SNX8: variants seen among roughly 807,000 people sequenced by gnomAD.
SNX8 encodes sorting nexin 8.
Under a neutral mutation model 51.6 loss-of-function variants are expected in SNX8, and 25 were observed. The ratio of observed to expected loss-of-function variants is 0.48; its 90% CI spans 0.35 to 0.68. The LOEUF (loss-of-function observed/expected upper bound fraction) is 0.68. Ranked by LOEUF, SNX8 falls within the 30% of genes least tolerant of loss-of-function variation. The pLI, the probability that SNX8 is intolerant of heterozygous loss-of-function variation, is 0.00. For missense variants in SNX8, 695 were observed against 624.0 expected (o/e 1.11, Z -1.21); for synonymous variants, 324 against 277.0 (o/e 1.17, Z -1.68).
At chr7:2,295,142 C>T (rs954786799) in intron 1 of SNX8, among the ~76,000 whole-genome samples, 1 of 152,162 alleles carries the variant, frequency 6.6e-6, no homozygotes, top group Non-Finnish European at 1.5e-5. Flanking sequence ...GTGGCTCACA[C>T]CTGTTATCCC....
chr7:2,296,419 T>A (rs533751185), intron 1 of SNX8, among the ~76,000 whole-genome samples: 2 of 152,102 alleles, frequency 1.3e-5, no homozygotes, highest in East Asian at 3.9e-4. Context: ...GATTTGTGTA[T>A]ACTGATTTTG....
chr7:2,342,995 G>A (rs527362846), intron 1 of SNX8, among the ~76,000 whole-genome samples: 12 of 151,770 alleles, frequency 7.9e-5, no homozygotes, highest in Admixed American at 6.6e-5. Context: ...GGGTTTTACC[G>A]TATTGGTCAG....
At chr7:2,257,181 A>G (rs939244893) in intron 9 of SNX8, among the ~76,000 whole-genome samples, 158 bp from the exon 10 acceptor site, 5 of 151,926 alleles carry the variant, frequency 3.3e-5, no homozygotes, top group African/African-American at 1.2e-4. Flanking sequence ...CCGGGGAGGG[A>G]GCACCGTGCA....
chr7:2,282,567 G>T (rs750354900), intron 1 of SNX8, among the ~76,000 whole-genome samples: 1 of 152,190 alleles, frequency 6.6e-6, no homozygotes, highest in Non-Finnish European at 1.5e-5. Context: ...CCCATCTCCC[G>T]CCCAGTGTCT....
At chr7:2,348,077 C>G (rs1779066589) in intron 1 of SNX8, among the ~76,000 whole-genome samples, 2 of 152,114 alleles carry the variant, frequency 1.3e-5, no homozygotes, top group Admixed American at 6.6e-5. Context: ...GAGAAAGCTG[C>G]TTTTTCGGCT....
intron 1 of SNX8, among the ~76,000 whole-genome samples, chr7:2,280,857 A>G (rs556670492): frequency 6.6e-6 from 1 of 151,558 alleles, no homozygotes; most frequent in African/African-American, 2.4e-5. Flanking sequence ...CAATGGCACA[A>G]TCTTGGCTCA....
At position 2,289,237 on chromosome 7, in the gene SNX8, T is replaced by C. The variant is rs141938278; in HGVS notation, c.95-10932A>G. 2.0e-3 allele frequency among the ~76,000 whole-genome samples: 306 copies of C among 152,222 alleles called. 2 individuals carry two copies. The highest frequency in any genetic ancestry group is 7.0e-3 in the African/African-American group (290 of 41,528). On this transcript the variant is annotated intron_variant, in intron 1 of 10. Transcript: ENST00000222990. Reference sequence around the variant, plus strand: ...GGGCATCTGGGAGGGTTCCAGCACCTCCCTGTTCCACACGGTGCTGTTACG... The same window carrying C: ...GGGCATCTGGGAGGGTTCCAGCACCCCCCTGTTCCACACGGTGCTGTTACG...
chr7:2,267,210 C>T (rs1795485461), intron 5 of SNX8, among the ~76,000 whole-genome samples: 1 of 152,230 alleles, frequency 6.6e-6, no homozygotes, highest in Admixed American at 6.5e-5. Flanking sequence ...ATCCCTGCCA[C>T]GCAGAGGAGG....
chr7:2,327,662 C>G (rs1191112412), intron 1 of SNX8, among the ~76,000 whole-genome samples: 1 of 151,268 alleles, frequency 6.6e-6, no homozygotes, highest in Non-Finnish European at 1.5e-5. Flanking sequence ...CCGCCTCGGC[C>G]TCCCAAAGTG....
chr7:2,275,389 T>C (rs1562432590), intron 2 of SNX8, among the ~76,000 whole-genome samples, 160 bp from the exon 3 acceptor site: 1 of 152,230 alleles, frequency 6.6e-6, no homozygotes, highest in Non-Finnish European at 1.5e-5. Flanking sequence ...TATATGGAAA[T>C]ACAACTTTTA....
At chr7:2,348,884 G>T (rs1268925208) in intron 1 of SNX8, among the ~76,000 whole-genome samples, 2 of 149,796 alleles carry the variant, frequency 1.3e-5, no homozygotes, top group East Asian at 2.0e-4. Context: ...CCCGGGAGGC[G>T]GAGTTACAGT....
Position 2,254,443 on chromosome 7 carries a change from ACATGGGGT to A in SNX8, c.*605_*612del, listed in dbSNP as rs1233391873. On this transcript the variant is annotated 3_prime_UTR_variant, in exon 11 of 11. Coordinates refer to ENST00000222990, the MANE Select transcript of SNX8 (RefSeq NM_013321.4). ...AGGGTCATGGTGTGGACACAGGCAC[ACATGGGGT>A]CATCATATGGGCACAGGGCATGAGG... The A allele has an allele frequency of 6.4e-6, 1 of 156,010 alleles. No individual in the cohort carries two copies. Among genetic ancestry groups the A allele is most frequent in the Non-Finnish European group, 1.4e-5 (1 of 70,252 alleles). 9.7% of individuals were successfully genotyped at this position (156,010 alleles called of 1,614,324 possible). A position where few individuals can be genotyped will look rare whatever the true frequency, so the allele number is the denominator to read the frequency against.
chr7:2,316,255 TCA>T (rs1796755003), upstream of SNX8, among the ~76,000 whole-genome samples: 1 of 143,854 alleles, frequency 7.0e-6, no homozygotes, highest in Non-Finnish European at 1.5e-5. Context: ...ACCCACTCAC[TCA>T]CTCTGCATCC....
intron 3 of SNX8, 99 bp from the exon 4 acceptor site, chr7:2,272,070 G>A (rs1795661840): frequency 6.6e-7 from 1 of 1,520,524 alleles, no homozygotes; most frequent in South Asian, 1.2e-5. Flanking sequence ...GGTGGCAGAG[G>A]GCCCAGCGGC....
upstream of SNX8, among the ~76,000 whole-genome samples, chr7:2,316,422 C>G (rs1384169251): frequency 6.6e-6 from 1 of 151,260 alleles, no homozygotes; most frequent in African/African-American, 2.4e-5. Flanking sequence ...CTCACTGCAT[C>G]CTGCATTCAT....
At position 2,282,649 on chromosome 7, in the gene SNX8, G is replaced by C. The variant is rs979541793; in HGVS notation, c.95-4344C>G. On this transcript the variant is annotated intron_variant, in intron 1 of 10. Transcript: ENST00000222990. The stretch of plus-strand genomic sequence containing the variant: ...ACATTCTTTTCACAGCTGACATCTC[G>C]GGCCTCCCACCCCAGAGACCGCAGC... Among the ~76,000 whole-genome samples the C allele has an allele frequency of 2.0e-5, 3 of 152,150 alleles. No homozygotes were observed. In the South Asian group the frequency reaches 6.2e-4, roughly 31 times the overall value.
chr7:2,275,313 G>A (rs554089847), intron 2 of SNX8, 84 bp from the exon 3 acceptor site: 33 of 895,672 alleles, frequency 3.7e-5, no homozygotes, highest in African/African-American at 1.3e-4. Context: ...CCGGGAAAAC[G>A]ACAGCACCAA....
chr7:2,274,101 G>T (rs564604655), intron 3 of SNX8, among the ~76,000 whole-genome samples: 2 of 152,206 alleles, frequency 1.3e-5, no homozygotes, highest in Admixed American at 1.3e-4. Context: ...GCCCAGGCCT[G>T]AGCCAGCATC....
At chr7:2,313,523 CAAAAAAAAAAA>C (rs371626274) in intron 1 of SNX8, among the ~76,000 whole-genome samples, 1 of 108,094 alleles carries the variant, frequency 9.3e-6, no homozygotes, top group Admixed American at 9.2e-5. Flanking sequence ...GAATCTGTCT[CAAAAAAAAAAA>C]AAAAAGAAAA....
Sources: allele counts gnomAD v4.1 joint callset (sites outside exome capture counted in the v4.1 genomes callset), GRCh38; gene constraint gnomAD v4.1.1; transcripts MANE v1.5; gene names NCBI Gene and HGNC (gene_info 2026-07-23, HGNC 2026-07-21).